Variants in ASIC2 observed in about 807,000 individuals in gnomAD.
The protein encoded by ASIC2 is acid-sensing ion channel 2.
A neutral mutation model predicts 57.3 loss-of-function variants in ASIC2; 25 were observed. The ratio of observed to expected loss-of-function variants is 0.44; its 90% CI spans 0.32 to 0.61. The LOEUF is 0.61. Ranked by LOEUF, ASIC2 falls within the 20% of genes least tolerant of loss-of-function variation. The probability of loss-of-function intolerance (pLI) is 0.06; values close to 1 mark genes in which losing one functional copy is unlikely to be tolerated. For synonymous variants in ASIC2, 319 were observed against 307.5 expected (o/e 1.04, Z -0.39); for missense variants, 641 against 738.1 (o/e 0.87, Z 1.52).
intron 1 of ASIC2, among the ~76,000 whole-genome samples, chr17:33,679,181 T>C (rs1048361209): frequency 6.6e-6 from 1 of 152,128 alleles, no homozygotes; most frequent in African/African-American, 2.4e-5. Flanking sequence ...CGTGTTACAG[T>C]TACATATGAG....
At chr17:33,382,014 T>C (rs2141946643) in intron 1 of ASIC2, among the ~76,000 whole-genome samples, 1 of 152,250 alleles carries the variant, frequency 6.6e-6, no homozygotes, top group African/African-American at 2.4e-5. Context: ...CCTCAGTTCT[T>C]TGTTGTAGGA....
chr17:33,522,650 C>A (rs376087228), intron 1 of ASIC2, among the ~76,000 whole-genome samples: 7 of 152,208 alleles, frequency 4.6e-5, no homozygotes, highest in African/African-American at 1.7e-4. Flanking sequence ...CTATCAGTTT[C>A]TTTCATTGAG....
intron 1 of ASIC2, among the ~76,000 whole-genome samples, chr17:33,969,205 G>A (rs953739126): frequency 9.2e-5 from 14 of 152,278 alleles, no homozygotes; most frequent in East Asian, 1.9e-4. Flanking sequence ...TTGGTCCCTC[G>A]CTTCTTGGGG....
intron 1 of ASIC2, among the ~76,000 whole-genome samples, chr17:33,163,936 T>G (rs540543298): frequency 3.2e-4 from 49 of 152,122 alleles, no homozygotes; most frequent in Non-Finnish European, 6.5e-4. Flanking sequence ...AAAGCCCAGG[T>G]AGAGGTGGGA....
intron 1 of ASIC2, among the ~76,000 whole-genome samples, chr17:33,810,415 G>A (rs1299136997): frequency 2.6e-5 from 4 of 152,148 alleles, no homozygotes; most frequent in South Asian, 2.1e-4. Context: ...ATGTGTGGGG[G>A]TGGGCATCAG....
At position 33,931,190 on chromosome 17, in the gene ASIC2, C is replaced by T. The variant is rs1021734140; in HGVS notation, c.555+224788G>A. On this transcript the variant is annotated intron_variant, in intron 1 of 9. Transcript: ENST00000359872. ...CCGGCGGACTCACGTCTCCAAAAAC[C>T]GAGCTCCCCGAGCGAGCAATTCCTG... is the stretch of plus-strand genomic sequence containing the variant. The T allele has an allele frequency of 3.9e-5, 6 of 152,308 alleles. 1 individual carries two copies. In the South Asian group the frequency reaches 6.2e-4, roughly 16 times the overall value. The allele number at this position is 152,308 out of a possible 1,614,324, so 9.4% of individuals were successfully genotyped here. A position where few individuals can be genotyped will look rare whatever the true frequency, so the allele number is the denominator to read the frequency against.
intron 1 of ASIC2, chr17:34,040,013 G>C: frequency 1.9e-6 from 1 of 526,988 alleles, no homozygotes; most frequent in Non-Finnish European, 3.0e-6. Context: ...GCAACCCCCC[G>C]CCCGGGCAGC....
At chr17:33,206,250 T>C (rs1047093225) in intron 1 of ASIC2, among the ~76,000 whole-genome samples, 1 of 152,128 alleles carries the variant, frequency 6.6e-6, no homozygotes, top group Non-Finnish European at 1.5e-5. Context: ...CATTTGGTGA[T>C]GAGGTCGAAG....
intron 1 of ASIC2, among the ~76,000 whole-genome samples, chr17:33,545,199 T>A (rs887735595): frequency 3.9e-5 from 6 of 152,200 alleles, no homozygotes; most frequent in Non-Finnish European, 5.9e-5. Context: ...AATCCTTTTT[T>A]AAAGAAATAT....
At chr17:33,888,323 G>A (rs929963314) in intron 1 of ASIC2, among the ~76,000 whole-genome samples, 3 of 152,152 alleles carry the variant, frequency 2.0e-5, no homozygotes, top group African/African-American at 7.2e-5. Flanking sequence ...AGCATAGCAA[G>A]TGTGGGGGTG....
intron 1 of ASIC2, among the ~76,000 whole-genome samples, chr17:34,095,611 A>ATATATATATATATATATAATTT (rs1177241535): frequency 1.1e-5 from 1 of 87,524 alleles, no homozygotes; most frequent in Non-Finnish European, 2.0e-5. Context: ...CAAATTTTAT[A>ATATATATATATATATATAATTT]TATATATATA....
intron 1 of ASIC2, among the ~76,000 whole-genome samples, chr17:33,971,247 G>A (rs975633385): frequency 7.9e-5 from 12 of 152,044 alleles, no homozygotes; most frequent in South Asian, 6.2e-4. Context: ...TCGTTTCCTG[G>A]GTTGTCAGTG....
At chr17:33,190,055 A>T (rs575648301) in intron 1 of ASIC2, among the ~76,000 whole-genome samples, 2 of 152,302 alleles carry the variant, frequency 1.3e-5, no homozygotes. Context: ...GACAAGAAAA[A>T]CAAACAGAAG....
chr17:33,926,633 T>A (rs971205533), intron 1 of ASIC2, among the ~76,000 whole-genome samples: 24 of 152,246 alleles, frequency 1.6e-4, no homozygotes, highest in Admixed American at 4.6e-4. Context: ...TGATGCTACC[T>A]AAAGCAACCA....
chr17:33,862,436 A>G (rs773984730), intron 1 of ASIC2, among the ~76,000 whole-genome samples: 3 of 152,142 alleles, frequency 2.0e-5, no homozygotes, highest in Non-Finnish European at 4.4e-5. Flanking sequence ...TAATAATTAT[A>G]TATATTTATA....
intron 2 of ASIC2, among the ~76,000 whole-genome samples, chr17:33,100,530 A>G (rs1045685457): frequency 1.3e-5 from 2 of 152,184 alleles, no homozygotes; most frequent in Non-Finnish European, 2.9e-5. Flanking sequence ...TAGATTCTCA[A>G]TCTATCTTCT....
At chr17:33,154,903 T>A (rs1904936703) in intron 1 of ASIC2, among the ~76,000 whole-genome samples, 1 of 152,132 alleles carries the variant, frequency 6.6e-6, no homozygotes, top group South Asian at 2.1e-4. Context: ...GGAAGAGGAG[T>A]TGAAACTTGT....
Position 33,511,214 on chromosome 17 carries a change from C to T in ASIC2, c.556-399147G>A, listed in dbSNP as rs1914423164. ...CGGCCATACCCAGAGTGTTCAGTCA[C>T]CATACAAAAGCAGGATGAGGACACA... On this transcript the variant is annotated intron_variant, in intron 1 of 9. Transcript: ENST00000359872. 2.7e-5 allele frequency among the ~76,000 whole-genome samples: 4 copies of T among 149,782 alleles called. No individual in the cohort carries two copies. In the South Asian group the frequency reaches 8.6e-4, roughly 32 times the overall value.
chr17:33,376,895 C>T (rs958051918), intron 1 of ASIC2, among the ~76,000 whole-genome samples: 42 of 152,266 alleles, frequency 2.8e-4, no homozygotes, highest in African/African-American at 1.0e-3. Flanking sequence ...AATTATTTTT[C>T]AATTCTCACA....
Sources: gnomAD v4.1 joint callset for allele counts (sites outside exome capture counted in the v4.1 genomes callset) on GRCh38, gnomAD v4.1.1 for gene constraint, MANE v1.5 for transcripts, NCBI Gene and HGNC (gene_info 2026-07-23, HGNC 2026-07-21) for gene names.